The following KIF1A variants were observed in gnomAD, a reference collection of about 807,000 sequenced individuals.
KIF1A encodes kinesin-like protein KIF1A.
KIF1A carries 46 observed loss-of-function variants against 227.3 expected under a neutral mutation model. The ratio of observed to expected loss-of-function variants is 0.20; its 90% CI spans 0.16 to 0.26. The LOEUF (loss-of-function observed/expected upper bound fraction) is 0.26. KIF1A is among the 10% of genes least tolerant of loss of function. The pLI is 1.00. For synonymous variants in KIF1A, 1,022 were observed against 1,012.8 expected, an observed-to-expected ratio of 1.01 and a Z score of -0.17; for missense variants, 1,683 against 2,485.9, an observed-to-expected ratio of 0.68 and a Z score of 6.87.
intron 37 of KIF1A, among the ~76,000 whole-genome samples, chr2:240,737,774 C>G (rs2047514487): frequency 6.6e-6 from 1 of 152,188 alleles, no homozygotes; most frequent in African/African-American, 2.4e-5. Context: ...AGTGGCTTCA[C>G]CTAGTAATTT....
At position 240,757,378 on chromosome 2, in the gene KIF1A, C is replaced by CGCGTGCTCCGGAAAGACG. The variant is rs1479511807; in HGVS notation, c.2781_2798dup (p.Val928_Ala933dup). ...AAAACGGGTCCCGGCCGTCGCACAG[C>CGCGTGCTCCGGAAAGACG]GCGTGCTCCGGAAAGACGTCGTCCT... On this transcript the variant is annotated inframe_insertion, in exon 27 of 49. Coordinates refer to ENST00000498729, the MANE Select transcript of KIF1A (RefSeq NM_001244008.2). The surrounding 1 kb of genome is among the most constrained non-coding windows in gnomAD (Gnocchi z 6.2). 2 of 1,550,520 alleles carry CGCGTGCTCCGGAAAGACG rather than the reference C, an allele frequency of 1.3e-6. No individual in the cohort carries two copies. The highest frequency in any genetic ancestry group is 8.7e-7 in the Non-Finnish European group (1 of 1,147,052).
In KIF1A at chr2:240,769,835, G is replaced by A. The variant is rs996413609; in HGVS notation, c.1342-129C>T. 8 of 650,118 alleles carry A rather than the reference G, an allele frequency of 1.2e-5. No individual in the cohort carries two copies. The Middle Eastern group carries it at 8.9e-4, about 73-fold the overall frequency. 40.3% of individuals were successfully genotyped at this position (650,118 alleles called of 1,614,324 possible). On this transcript the variant is annotated intron_variant, in intron 15 of 48. Transcript: ENST00000498729. ...ATATTCCTGGGCCCGACAAGGCAAC[G>A]AGGCATCCAGAAGACCAAGGTAAAG...
In KIF1A at chr2:240,758,605, A is replaced by ACATC. The variant is rs763989155; in HGVS notation, c.2445-112_2445-109dup. 1 of 1,191,792 alleles carries ACATC rather than the reference A, an allele frequency of 8.4e-7. No individual in the cohort carries two copies. The highest frequency in any genetic ancestry group is 1.1e-6 in the Non-Finnish European group (1 of 898,472). The allele number at this position is 1,191,792 out of a possible 1,614,324, so 73.8% of individuals were successfully genotyped here. On this transcript the variant is annotated intron_variant, in intron 25 of 48. Coordinates refer to ENST00000498729, the MANE Select transcript of KIF1A (RefSeq NM_001244008.2). This position sits in a 1 kb window ranked among gnomAD's most constrained non-coding sequence, Gnocchi z 5.2. ...TGGGCTCAGCCTAGCTCTGGCCACC[A>ACATC]CATCCAGCTCAGGGTCATCAAGGTC...
Position 240,766,157 on chromosome 2 carries a change from A to AGTCAGAGAATTCCAGGAGAGCCAATC in KIF1A, c.1685-390_1685-365dup, listed in dbSNP as rs2051145843. 1.3e-5 allele frequency among the ~76,000 whole-genome samples: 2 copies of AGTCAGAGAATTCCAGGAGAGCCAATC among 152,236 alleles called. No individual in the cohort carries two copies. Among genetic ancestry groups the AGTCAGAGAATTCCAGGAGAGCCAATC allele is most frequent in the Admixed American group, 1.3e-4 (2 of 15,282 alleles). ...CAGGAGAGGGTAGGCAGGGCTTTGC[A>AGTCAGAGAATTCCAGGAGAGCCAATC]GTCAGAGAATTCCAGGAGAGCCAAT... On this transcript the variant is annotated intron_variant, in intron 19 of 48. Coordinates refer to ENST00000498729, the MANE Select transcript of KIF1A (RefSeq NM_001244008.2). This position sits in a 1 kb window ranked among gnomAD's most constrained non-coding sequence, Gnocchi z 5.0.
At chr2:240,729,062 C>CACT (rs2046331320) in intron 38 of KIF1A, among the ~76,000 whole-genome samples, 4 of 152,158 alleles carry the variant, frequency 2.6e-5, no homozygotes, top group Non-Finnish European at 5.9e-5. Flanking sequence ...ACGTCAGCAC[C>CACT]GCTGTCTGGT....
Position 240,786,533 on chromosome 2 carries a change from CA to C in KIF1A, c.430-21del. ...GCTGACCTGCAGGGCAGAGCCAGGC[CA>C]TCAGGGGCCCCTGAGGCGAGGGAGT... is the stretch of plus-strand genomic sequence containing the variant. On this transcript the variant is annotated intron_variant, in intron 5 of 48. Transcript: ENST00000498729. 6.2e-7 allele frequency: 1 copy of C among 1,610,718 alleles called. No individual in the cohort carries two copies. The highest frequency in any genetic ancestry group is 2.2e-5 in the East Asian group (1 of 44,824).
chr2:240,725,514 G>T lies in KIF1A; in HGVS notation c.4123-110C>A. On this transcript the variant is annotated intron_variant, in intron 39 of 48. Transcript: ENST00000498729. The surrounding 1 kb of genome is among the most constrained non-coding windows in gnomAD (Gnocchi z 5.8). ...CCCAGCACCGACAGGCAGCCCCAGG[G>T]CCTTCCCAGGGCCTCAGGTGTGGCC... 1 of 1,230,236 alleles carries T rather than the reference G, an allele frequency of 8.1e-7. No homozygotes were observed. Among genetic ancestry groups the T allele is most frequent in the Non-Finnish European group, 1.1e-6 (1 of 882,798 alleles). The allele number at this position is 1,230,236 out of a possible 1,614,324, so 76.2% of individuals were successfully genotyped here.
rs2126093037 is a variant in KIF1A at position 240,788,320 on chromosome 2, G to A, written c.184-90C>T. 5.8e-6 allele frequency: 7 copies of A among 1,211,154 alleles called. No individual in the cohort carries two copies. The Middle Eastern group carries it at 9.9e-4, about 171-fold the overall frequency. 75.0% of individuals were successfully genotyped at this position (1,211,154 alleles called of 1,614,324 possible). A position where few individuals can be genotyped will look rare whatever the true frequency, so the allele number is the denominator to read the frequency against. On this transcript the variant is annotated intron_variant, in intron 3 of 48. Coordinates refer to ENST00000498729, the MANE Select transcript of KIF1A (RefSeq NM_001244008.2). The surrounding 1 kb of genome is among the most constrained non-coding windows in gnomAD (Gnocchi z 6.6). Reference sequence around the variant, plus strand: ...TCTGCGGAGCCAGGGGATGCCCAGGGCCTCAGGGTGCCAGGGCAGCACAGT... The same window carrying A: ...TCTGCGGAGCCAGGGGATGCCCAGGACCTCAGGGTGCCAGGGCAGCACAGT...
At position 240,797,363 on chromosome 2, in the gene KIF1A, C is replaced by A. The variant is rs569023436; in HGVS notation, c.106+284G>T. Among the ~76,000 whole-genome samples, 3 of 152,292 alleles carry A rather than the reference C, an allele frequency of 2.0e-5. No individual in the cohort carries two copies. The South Asian group carries it at 6.2e-4, about 32-fold the overall frequency. ...GGCAACCACCAGACCCCGGAGAAGG[C>A]AGGAAAGGTCCTCCCTAGGAGCTCA... On this transcript the variant is annotated intron_variant, in intron 2 of 48. Coordinates refer to ENST00000498729, the MANE Select transcript of KIF1A (RefSeq NM_001244008.2).
At chr2:240,816,162 G>C (rs543508089) in intron 1 of KIF1A, among the ~76,000 whole-genome samples, 1 of 151,786 alleles carries the variant, frequency 6.6e-6, no homozygotes, top group Non-Finnish European at 1.5e-5. Flanking sequence ...GTGTGTGTGT[G>C]TGTGTGTCTA....
chr2:240,717,342 G>T lies in KIF1A; in HGVS notation c.*22C>A. The T allele has an allele frequency of 1.2e-6, 2 of 1,607,030 alleles. No homozygotes were observed. Among genetic ancestry groups the T allele is most frequent in the South Asian group, 1.1e-5 (1 of 90,930 alleles). Reference sequence around the variant, plus strand: ...GGGAGGGGATGGGCTGGGCCTGCCGGCTGTCACGGGAGGGCTCAGGTTCAG... The same window carrying T: ...GGGAGGGGATGGGCTGGGCCTGCCGTCTGTCACGGGAGGGCTCAGGTTCAG... On this transcript the variant is annotated 3_prime_UTR_variant, in exon 49 of 49. Transcript: ENST00000498729.
chr2:240,746,200 CAG>C, intron 29 of KIF1A, 23 bp from the exon 30 acceptor site: 1 of 1,551,772 alleles, frequency 6.4e-7, no homozygotes, highest in Non-Finnish European at 8.7e-7. Flanking sequence ...GGACCAGAGT[CAG>C]AGAGAGCCAG....
Position 240,769,080 on chromosome 2 carries a change from C to T in KIF1A, c.1497+53G>A, listed in dbSNP as rs961676816. 1.0e-4 allele frequency: 152 copies of T among 1,488,530 alleles called. 1 individual carries two copies. Among genetic ancestry groups the T allele is most frequent in the Middle Eastern group, 8.5e-4 (5 of 5,870 alleles). The allele number at this position is 1,488,530 out of a possible 1,614,324, so 92.2% of individuals were successfully genotyped here. ...TCTGGCTCTACCTGAGACAGCACCTCACCTGGTCCTGTTCAGATGAGGGCA... is the reference window on the plus strand; with the variant it reads ...TCTGGCTCTACCTGAGACAGCACCTTACCTGGTCCTGTTCAGATGAGGGCA... On this transcript the variant is annotated intron_variant, in intron 17 of 48. Transcript: ENST00000498729.
At chr2:240,802,473 C>G (rs186202568) in intron 1 of KIF1A, among the ~76,000 whole-genome samples, 2 of 152,152 alleles carry the variant, frequency 1.3e-5, no homozygotes, top group Admixed American at 1.3e-4. Flanking sequence ...TTAAATACAC[C>G]AAGTAAAACA....
intron 32 of KIF1A, among the ~76,000 whole-genome samples, chr2:240,744,606 G>A (rs953870823): frequency 1.3e-5 from 2 of 152,218 alleles, no homozygotes; most frequent in Non-Finnish European, 2.9e-5. Flanking sequence ...CACACGCAGA[G>A]GGGGAGGGCC....
chr2:240,795,004 C>T lies in KIF1A; in HGVS notation c.106+2643G>A, dbSNP rs191608968. 6.6e-3 allele frequency among the ~76,000 whole-genome samples: 1,003 copies of T among 152,350 alleles called. 14 individuals are homozygous for T. The highest frequency in any genetic ancestry group is 0.014 in the Middle Eastern group (4 of 294). On this transcript the variant is annotated intron_variant, in intron 2 of 48. Coordinates refer to ENST00000498729, the MANE Select transcript of KIF1A (RefSeq NM_001244008.2). ...CCCTACCCTGAGTCCACGGCCCTTT[C>T]CTCCTCCTTGGTTTCAGAACTTTGC...
At chr2:240,732,863 G>A (rs2046900581) in intron 38 of KIF1A, among the ~76,000 whole-genome samples, 1 of 119,736 alleles carries the variant, frequency 8.4e-6, no homozygotes, top group African/African-American at 3.3e-5. Context: ...GAGGGTATGA[G>A]GAAGGGATGA....
chr2:240,783,098 G>A lies in KIF1A; in HGVS notation c.810C>T (p.Asn270=). Residue 270 remains asparagine, a synonymous_variant, in exon 9 of 49, where the codon AAC becomes AAT. Coordinates refer to ENST00000498729, the MANE Select transcript of KIF1A (RefSeq NM_001244008.2). ...CCAGGGTGGTCAGCGACTTGTTGATGTTGGCCCCCTCCTGCGGGCAGAAAA... is the reference window on the plus strand; with the variant it reads ...CCAGGGTGGTCAGCGACTTGTTGATATTGGCCCCCTCCTGCGGGCAGAAAA... ...AKGTRLKEGA[N]INKSLTTLGK... The A allele has an allele frequency of 1.2e-6, 2 of 1,613,674 alleles. No individual in the cohort carries two copies. The highest frequency in any genetic ancestry group is 1.7e-6 in the Non-Finnish European group (2 of 1,179,702).
Position 240,778,458 on chromosome 2 carries a change from G to A in KIF1A, c.883-2532C>T, listed in dbSNP as rs2125998624. 6.8e-6 allele frequency among the ~76,000 whole-genome samples: 1 copy of A among 147,582 alleles called. No individual in the cohort carries two copies. The highest frequency in any genetic ancestry group is 6.7e-5 in the Admixed American group (1 of 14,868). ...CGGCTCCCCACGGGAGGCCTCACACGATCCTCCATTTCTCAGAGCTCTCAG... is the reference window on the plus strand; with the variant it reads ...CGGCTCCCCACGGGAGGCCTCACACAATCCTCCATTTCTCAGAGCTCTCAG... On this transcript the variant is annotated intron_variant, in intron 10 of 48. Coordinates refer to ENST00000498729, the MANE Select transcript of KIF1A (RefSeq NM_001244008.2). This position sits in a 1 kb window ranked among gnomAD's most constrained non-coding sequence, Gnocchi z 7.2.
Sources: allele counts gnomAD v4.1 joint callset (sites outside exome capture counted in the v4.1 genomes callset), GRCh38; gene constraint gnomAD v4.1.1; non-coding constraint Gnocchi (gnomAD v3.1); transcripts MANE v1.5; gene names NCBI Gene and HGNC (gene_info 2026-07-23, HGNC 2026-07-21).